POU2F2: variants seen among roughly 807,000 people sequenced by gnomAD.
POU2F2 encodes the protein POU domain, class 2, transcription factor 2.
Under a neutral mutation model 63.5 loss-of-function variants are expected in POU2F2, and 14 were observed. That is an observed-to-expected ratio of 0.22 (90% CI 0.15 to 0.34). The LOEUF (loss-of-function observed/expected upper bound fraction) is 0.34, where lower values mean the gene tolerates loss of function less well. Ranked by LOEUF, POU2F2 falls within the 10% of genes least tolerant of loss-of-function variation. The pLI, the probability that POU2F2 is intolerant of heterozygous loss-of-function variation, is 1.00. For synonymous variants in POU2F2, 306 were observed against 348.6 expected (o/e 0.88, Z 1.36); for missense variants, 607 against 815.2 (o/e 0.74, Z 3.11).
At chr19:42,159,634 A>T (rs1276396831) in intron 2 of POU2F2, among the ~76,000 whole-genome samples, 1 of 152,152 alleles carries the variant, frequency 6.6e-6, no homozygotes, top group African/African-American at 2.4e-5. Flanking sequence ...CTTCCCACAG[A>T]GGTGAGCAGC....
Position 42,091,175 on chromosome 19 carries a change from C to G in POU2F2, c.*82G>C. 1 of 1,362,212 alleles carries G rather than the reference C, an allele frequency of 7.3e-7. No individual in the cohort carries two copies. Among genetic ancestry groups the G allele is most frequent in the Non-Finnish European group, 9.7e-7 (1 of 1,027,702 alleles). The allele number at this position is 1,362,212 out of a possible 1,614,324, so 84.4% of individuals were successfully genotyped here. On this transcript the variant is annotated 3_prime_UTR_variant, in exon 15 of 15. Coordinates refer to ENST00000692977, the MANE Select transcript of POU2F2 (RefSeq NM_001394376.1). ...CTGCTCTGAGGACCCTCTGCGTCCC[C>G]ACCACTGGCCTCCTCGCCCTCTTCC...
At chr19:42,158,255 CCAA>C (rs2034493482) in intron 2 of POU2F2, among the ~76,000 whole-genome samples, 1 of 152,178 alleles carries the variant, frequency 6.6e-6, no homozygotes, top group Admixed American at 6.5e-5. Flanking sequence ...TATTGAAAAA[CCAA>C]CAAGTGGCCC....
intron 2 of POU2F2, among the ~76,000 whole-genome samples, chr19:42,144,875 T>C (rs554646080): frequency 6.6e-6 from 1 of 152,288 alleles, no homozygotes; most frequent in East Asian, 1.9e-4. Flanking sequence ...GTTACACTGA[T>C]CCCATGCACA....
intron 5 of POU2F2, among the ~76,000 whole-genome samples, chr19:42,103,288 C>G (rs1833147682): frequency 6.6e-6 from 1 of 152,194 alleles, no homozygotes; most frequent in Admixed American, 6.5e-5. Flanking sequence ...CATGACATGC[C>G]CCTCTCACTG....
chr19:42,121,933 C>T (rs1429877425), intron 4 of POU2F2, among the ~76,000 whole-genome samples, 193 bp downstream of exon 4: 1 of 152,140 alleles, frequency 6.6e-6, no homozygotes, highest in Non-Finnish European at 1.5e-5. Flanking sequence ...ACCCCCACCC[C>T]CTAGGGAAGG....
At chr19:42,194,690 T>C (rs1035450114) in intron 1 of POU2F2, among the ~76,000 whole-genome samples, 3 of 115,612 alleles carry the variant, frequency 2.6e-5, no homozygotes, top group African/African-American at 6.8e-5. Context: ...ACCTGGGAGG[T>C]GGAGGTTACA....
chr19:42,192,406 C>T (rs2035084025), intron 1 of POU2F2, among the ~76,000 whole-genome samples: 1 of 152,098 alleles, frequency 6.6e-6, no homozygotes, highest in African/African-American at 2.4e-5. Flanking sequence ...TGATCATGTT[C>T]CCTACTAAGC....
intron 1 of POU2F2, among the ~76,000 whole-genome samples, chr19:42,168,475 C>G (rs1357564846): frequency 6.6e-6 from 1 of 152,200 alleles, no homozygotes; most frequent in Non-Finnish European, 1.5e-5. Flanking sequence ...CATGTCCATG[C>G]CCTTGCCCAG....
At chr19:42,164,613 T>A (rs1599698765) in intron 1 of POU2F2, among the ~76,000 whole-genome samples, 1 of 151,692 alleles carries the variant, frequency 6.6e-6, no homozygotes, top group East Asian at 1.9e-4. Context: ...GTATCTAAAT[T>A]TTAATAAATT....
intron 1 of POU2F2, among the ~76,000 whole-genome samples, chr19:42,170,151 C>A (rs940626599): frequency 1.3e-5 from 2 of 151,988 alleles, no homozygotes; most frequent in Non-Finnish European, 2.9e-5. Flanking sequence ...GTTGTGTGAC[C>A]CCCCTCCAGA....
chr19:42,108,581 A>C (rs1802931259), intron 5 of POU2F2, among the ~76,000 whole-genome samples: 1 of 152,118 alleles, frequency 6.6e-6, no homozygotes, highest in African/African-American at 2.4e-5. Context: ...TCTCAAAATA[A>C]AACAAAGAAA....
At chr19:42,146,324 C>G (rs1360285538) in intron 2 of POU2F2, among the ~76,000 whole-genome samples, 1 of 152,206 alleles carries the variant, frequency 6.6e-6, no homozygotes, top group Non-Finnish European at 1.5e-5. Flanking sequence ...CCTTGCCCAC[C>G]CTGTCCCATT....
In POU2F2 at chr19:42,093,707, C is replaced by A. The variant is rs1568974192; in HGVS notation, c.1264+122G>T. 6.1e-6 allele frequency: 6 copies of A among 978,658 alleles called. No individual in the cohort carries two copies. In the East Asian group the frequency reaches 1.6e-4, roughly 26 times the overall value. The allele number at this position is 978,658 out of a possible 1,614,324, so 60.6% of individuals were successfully genotyped here. A position where few individuals can be genotyped will look rare whatever the true frequency, so the allele number is the denominator to read the frequency against. ...CTTCCCACTGTCTCTCCCATTCCCC[C>A]ACCCACACTCCCCAGGCCCAGTCTT... On this transcript the variant is annotated intron_variant, in intron 12 of 14. Transcript: ENST00000692977.
chr19:42,144,727 C>T (rs1407442931), intron 2 of POU2F2, among the ~76,000 whole-genome samples: 1 of 152,272 alleles, frequency 6.6e-6, no homozygotes, highest in African/African-American at 2.4e-5. Flanking sequence ...CAACAATTCA[C>T]TAAAGCAGGG....
At chr19:42,154,595 C>T (rs1161598318) in intron 2 of POU2F2, among the ~76,000 whole-genome samples, 1 of 151,872 alleles carries the variant, frequency 6.6e-6, no homozygotes, top group Non-Finnish European at 1.5e-5. Flanking sequence ...GGGGGCAATG[C>T]ACAGAGAGGA....
intron 1 of POU2F2, among the ~76,000 whole-genome samples, chr19:42,168,885 C>A (rs1200997697): frequency 6.6e-6 from 1 of 152,166 alleles, no homozygotes; most frequent in African/African-American, 2.4e-5. Flanking sequence ...CCAGGTTCTT[C>A]CGTGATGCCC....
intron 1 of POU2F2, among the ~76,000 whole-genome samples, chr19:42,170,809 C>G (rs1183487873): frequency 6.6e-6 from 1 of 152,276 alleles, no homozygotes; most frequent in African/African-American, 2.4e-5. Context: ...AGAGCCGGAT[C>G]TGGCCCTTTC....
chr19:42,133,271 G>A (rs1314361106), upstream of POU2F2, among the ~76,000 whole-genome samples: 1 of 152,224 alleles, frequency 6.6e-6, no homozygotes, highest in African/African-American at 2.4e-5. This position sits in a 1 kb window ranked among gnomAD's most constrained non-coding sequence, Gnocchi z 5.1. Context: ...CCAGCCAATG[G>A]GCCGGAGGGC....
At chr19:42,174,170 C>T (rs904752947) in intron 1 of POU2F2, among the ~76,000 whole-genome samples, 2 of 152,198 alleles carry the variant, frequency 1.3e-5, no homozygotes, top group East Asian at 1.9e-4. Context: ...CCAGACCCTG[C>T]TTCACAAACC....
Sources: gnomAD v4.1 joint callset for allele counts (sites outside exome capture counted in the v4.1 genomes callset) on GRCh38, gnomAD v4.1.1 for gene constraint, Gnocchi (gnomAD v3.1) non-coding constraint, MANE v1.5 for transcripts, NCBI Gene and HGNC (gene_info 2026-07-23, HGNC 2026-07-21) for gene names.